The following PCDH11X variants were observed in gnomAD, a reference collection of about 807,000 sequenced individuals.
The protein encoded by PCDH11X is protocadherin 11 X-linked, also known as protocadherin-11 X-linked.
Under a neutral mutation model 53.3 loss-of-function variants are expected in PCDH11X, and 18 were observed. The observed-to-expected ratio is 0.34, with a 90% CI of 0.23 to 0.50. The LOEUF (loss-of-function observed/expected upper bound fraction) is 0.50. Among genes scored for constraint, PCDH11X ranks in the 20% least tolerant of loss-of-function variants. The probability of loss-of-function intolerance (pLI) is 0.98; values close to 1 mark genes in which losing one functional copy is unlikely to be tolerated. For synonymous variants in PCDH11X, 279 were observed against 393.3 expected (o/e 0.71, Z 3.44); for missense variants, 570 against 1,032.4 (o/e 0.55, Z 6.14).
At chrX:92,252,087 GTTATTA>G (rs1239107522) in intron 7 of PCDH11X, among the ~76,000 whole-genome samples, 1 of 110,952 alleles carries the variant, frequency 9.0e-6, no homozygotes, top group African/African-American at 3.3e-5. Flanking sequence ...TAAGATTATT[GTTATTA>G]TTATTACATT....
chrX:91,879,614 G>C (rs1480889862), intron 6 of PCDH11X: 1 of 989,921 alleles, frequency 1.0e-6, no homozygotes, highest in Non-Finnish European at 1.3e-6. Context: ...ATGAGGATCA[G>C]AATAGTCTGG....
intron 7 of PCDH11X, among the ~76,000 whole-genome samples, chrX:92,251,828 T>A (rs2067466752): frequency 9.0e-6 from 1 of 110,865 alleles, no homozygotes; most frequent in African/African-American, 3.3e-5. Context: ...CTAAAGTTTG[T>A]TTTAATAAGA....
intron 9 of PCDH11X, among the ~76,000 whole-genome samples, chrX:92,417,819 C>CTTTT (rs2071850941): frequency 1.0e-3 from 28 of 27,383 alleles, no homozygotes; most frequent in African/African-American, 5.3e-3. Flanking sequence ...TCTTTTCTTC[C>CTTTT]ATTTTTTTTT....
chrX:91,883,967 A>G (rs1940065423), intron 6 of PCDH11X: 3 of 657,533 alleles, frequency 4.6e-6, no homozygotes, highest in Non-Finnish European at 5.4e-6. Context: ...AGGTGGGTGG[A>G]TCACCTGAGG....
Position 91,934,715 on chromosome X carries a change from C to G in PCDH11X, c.3033+55442C>G, listed in dbSNP as rs1194976021. Among the ~76,000 whole-genome samples the G allele has an allele frequency of 1.0e-4, 11 of 105,153 alleles. No homozygotes were observed. The East Asian group carries it at 3.1e-3, about 30-fold the overall frequency. The allele number at this position is 105,153 out of a possible 115,157, so 91.3% of individuals were successfully genotyped here. A position where few individuals can be genotyped will look rare whatever the true frequency, so the allele number is the denominator to read the frequency against. The stretch of plus-strand genomic sequence containing the variant: ...TTCAATTAATTATTTACCCAAAATG[C>G]TACTAACTTTACTGGAACCATCAAA... On this transcript the variant is annotated intron_variant, in intron 6 of 10. Coordinates refer to ENST00000682573, the MANE Select transcript of PCDH11X (RefSeq NM_032968.5).
At chrX:91,903,526 A>C (rs1311302208) in intron 6 of PCDH11X, among the ~76,000 whole-genome samples, 8 of 110,800 alleles carry the variant, frequency 7.2e-5, no homozygotes, top group Non-Finnish European at 1.3e-4. Context: ...ACTATACAGC[A>C]TGCTGGTTTT....
intron 6 of PCDH11X, among the ~76,000 whole-genome samples, chrX:92,039,716 A>G (rs2476102): frequency 1.8e-5 from 2 of 111,746 alleles, no homozygotes; most frequent in Admixed American, 1.9e-4. Context: ...CCCACTGTGG[A>G]TAAGCTGATA....
intron 6 of PCDH11X, among the ~76,000 whole-genome samples, chrX:92,037,982 A>C (rs2063153872): frequency 9.3e-6 from 1 of 107,218 alleles, no homozygotes; most frequent in African/African-American, 3.4e-5. Flanking sequence ...AGATTGCAAA[A>C]ATTTTCTCCT....
intron 6 of PCDH11X, among the ~76,000 whole-genome samples, chrX:92,127,510 TC>T (rs1271149512): frequency 1.0e-5 from 1 of 100,335 alleles, no homozygotes; most frequent in Non-Finnish European, 2.0e-5. Flanking sequence ...TAGTTATCTT[TC>T]CCCCCACTTT....
chrX:92,610,117 T>A (rs2086921286), intron 10 of PCDH11X, among the ~76,000 whole-genome samples: 1 of 111,668 alleles, frequency 9.0e-6, no homozygotes, highest in African/African-American at 3.2e-5. Context: ...TACTCAGTAA[T>A]GAGAGTTTCT....
At chrX:92,372,007 T>C (rs2148553644) in intron 8 of PCDH11X, among the ~76,000 whole-genome samples, 1 of 111,437 alleles carries the variant, frequency 9.0e-6, no homozygotes, top group South Asian at 3.8e-4. Context: ...TTTATTTATT[T>C]ATTGAGTATG....
intron 10 of PCDH11X, among the ~76,000 whole-genome samples, chrX:92,610,084 A>T (rs1249587414): frequency 2.7e-5 from 3 of 111,529 alleles, no homozygotes; most frequent in Non-Finnish European, 3.8e-5. Flanking sequence ...TTGGTAGAAC[A>T]ATTTGTTTTC....
chrX:91,854,491 A>G (rs2147668065), intron 5 of PCDH11X, among the ~76,000 whole-genome samples: 1 of 112,411 alleles, frequency 8.9e-6, no homozygotes, highest in African/African-American at 3.2e-5. Context: ...TGATATACTT[A>G]TCTCCTTTCT....
At chrX:92,097,411 G>GA (rs755835797) in intron 6 of PCDH11X, among the ~76,000 whole-genome samples, 6,587 of 75,693 alleles carry the variant, frequency 0.087, 428 homozygotes, top group East Asian at 0.45. Context: ...CCTTGTCTCA[G>GA]AAAAAAAAAA....
intron 9 of PCDH11X, chrX:92,460,187 G>A (rs1253105437): frequency 3.9e-5 from 36 of 918,172 alleles, no homozygotes; most frequent in Middle Eastern, 3.7e-4. Flanking sequence ...CTGGCGATGC[G>A]CCAGTCTGTG....
At chrX:92,197,023 C>T (rs947924181) in intron 6 of PCDH11X, among the ~76,000 whole-genome samples, 11 of 111,405 alleles carry the variant, frequency 9.9e-5, no homozygotes, top group Admixed American at 9.6e-5. Context: ...TTATGAGGCT[C>T]ATGTTATTAT....
At chrX:92,043,857 A>G (rs2063245186) in intron 6 of PCDH11X, among the ~76,000 whole-genome samples, 1 of 111,024 alleles carries the variant, frequency 9.0e-6, no homozygotes, top group Non-Finnish European at 1.9e-5. Context: ...TTAATGTATT[A>G]ATTATAATCT....
intron 6 of PCDH11X, among the ~76,000 whole-genome samples, chrX:92,143,381 G>C (rs2065219459): frequency 8.9e-6 from 1 of 112,426 alleles, no homozygotes; most frequent in African/African-American, 3.2e-5. Context: ...GAAGGAAAAA[G>C]TGGTTTTGTG....
At chrX:92,277,712 G>A (rs1329469373) in intron 8 of PCDH11X, among the ~76,000 whole-genome samples, 2 of 109,955 alleles carry the variant, frequency 1.8e-5, no homozygotes, top group East Asian at 2.9e-4. Flanking sequence ...TAAGGGGTCG[G>A]GGCATGGAAA....
Sources: gnomAD v4.1 joint callset for allele counts (sites outside exome capture counted in the v4.1 genomes callset) on GRCh38, gnomAD v4.1.1 for gene constraint, MANE v1.5 for transcripts, NCBI Gene and HGNC (gene_info 2026-07-23, HGNC 2026-07-21) for gene names.